Variants in ZSWIM6 observed in about 807,000 individuals in gnomAD.
ZSWIM6 encodes zinc finger SWIM domain-containing protein 6.
A neutral mutation model predicts 113.2 loss-of-function variants in ZSWIM6; 9 were observed. That is an observed-to-expected ratio of 0.08 (90% CI 0.05 to 0.14). The LOEUF (loss-of-function observed/expected upper bound fraction) is 0.14, where lower values mean the gene tolerates loss of function less well. Ranked by LOEUF, ZSWIM6 falls within the 10% of genes least tolerant of loss-of-function variation. ZSWIM6 has a pLI of 1.00. For synonymous variants in ZSWIM6, 611 were observed against 606.5 expected, an observed-to-expected ratio of 1.01 and a Z score of -0.11; for missense variants, 1,162 against 1,552.2, an observed-to-expected ratio of 0.75 and a Z score of 4.22.
intron 1 of ZSWIM6, 60 bp downstream of exon 1, chr5:61,333,008 G>C (rs1448314508): frequency 2.8e-5 from 14 of 498,922 alleles, no homozygotes; most frequent in Non-Finnish European, 3.6e-5. Flanking sequence ...GTGGGGGGGG[G>C]GTGCCCGCCT....
chr5:61,502,792 G>A (rs1192224072), intron 4 of ZSWIM6, among the ~76,000 whole-genome samples: 1 of 152,178 alleles, frequency 6.6e-6, no homozygotes, highest in Non-Finnish European at 1.5e-5. Flanking sequence ...AAACCCTGTT[G>A]TGAGCTGCAC....
At position 61,531,604 on chromosome 5, in the gene ZSWIM6, G is replaced by A; in HGVS notation, c.2124G>A (p.Gly708=). Reference sequence around the variant, plus strand: ...GACAGCAGCGTATCATGCCTGATGGGCTGTACACACAAGAGAAAGTTTGCC... The same window carrying A: ...GACAGCAGCGTATCATGCCTGATGGACTGTACACACAAGAGAAAGTTTGCC... ...GLGQQRIMPD[G]LYTQEKVCRN... is the part of the protein sequence containing the mutation. Residue 708 remains glycine, a synonymous_variant, in exon 9 of 14, where the codon GGG becomes GGA. Transcript: ENST00000252744. 1 of 1,551,660 alleles carries A rather than the reference G, an allele frequency of 6.4e-7. No individual in the cohort carries two copies. The highest frequency in any genetic ancestry group is 8.7e-7 in the Non-Finnish European group (1 of 1,146,970).
chr5:61,522,664 C>A (rs1001591032), intron 5 of ZSWIM6, among the ~76,000 whole-genome samples: 3 of 152,132 alleles, frequency 2.0e-5, no homozygotes, highest in Non-Finnish European at 4.4e-5. Flanking sequence ...ATCTTTATTG[C>A]CCATGATGAT....
rs1749261017 is a variant in ZSWIM6 at position 61,525,844 on chromosome 5, G to A, written c.1558G>A (p.Glu520Lys). The A allele has an allele frequency of 6.4e-7, 1 of 1,551,864 alleles. No individual in the cohort carries two copies. Among genetic ancestry groups the A allele is most frequent in the Non-Finnish European group, 8.7e-7 (1 of 1,147,008 alleles). ...PHRTVFTRAIEACDLHWQDSH... is the reference protein window; with the variant it reads ...PHRTVFTRAIKACDLHWQDSH... ...TCGGACAGTGTTCACCCGAGCCATC[G>A]AGGCATGCGATCTCCACTGGCAGGA... The change falls in exon 6 of 14, where the codon GAG becomes AAG. Residue 520 changes from glutamate (E) to lysine (K), a missense_variant. By Grantham distance (56) the Glu-to-Lys change is moderately conservative. This residue lies in a region of ZSWIM6 where 620 missense variants were observed against 804.6 expected (regional missense o/e 0.77). Transcript: ENST00000252744.
At chr5:61,442,496 C>G (rs1030228630) in intron 1 of ZSWIM6, among the ~76,000 whole-genome samples, 1 of 152,198 alleles carries the variant, frequency 6.6e-6, no homozygotes, top group Non-Finnish European at 1.5e-5. Context: ...CAATCTTTCT[C>G]TCTCTAGTCC....
chr5:61,415,826 A>G (rs566209709), intron 1 of ZSWIM6, among the ~76,000 whole-genome samples: 1 of 152,220 alleles, frequency 6.6e-6, no homozygotes, highest in Non-Finnish European at 1.5e-5. Context: ...AGAAGGAATA[A>G]TTGGATCTTT....
rs577231528 is a variant in ZSWIM6 at position 61,472,321 on chromosome 5, A to T, written c.677-360A>T. ...GAAAAAAGAAGAAACCACTGATCCCACTGATCTAGGGGATTATTGTGTTGT... is the reference window on the plus strand; with the variant it reads ...GAAAAAAGAAGAAACCACTGATCCCTCTGATCTAGGGGATTATTGTGTTGT... On this transcript the variant is annotated intron_variant, in intron 1 of 13. Coordinates refer to ENST00000252744, the MANE Select transcript of ZSWIM6 (RefSeq NM_020928.2). This position sits in a 1 kb window ranked among gnomAD's most constrained non-coding sequence, Gnocchi z 4.1. 6.6e-6 allele frequency among the ~76,000 whole-genome samples: 1 copy of T among 152,108 alleles called. No homozygotes were observed. Among genetic ancestry groups the T allele is most frequent in the Non-Finnish European group, 1.5e-5 (1 of 68,004 alleles).
chr5:61,381,975 C>T (rs953965630), intron 1 of ZSWIM6, among the ~76,000 whole-genome samples: 1 of 152,190 alleles, frequency 6.6e-6, no homozygotes, highest in Non-Finnish European at 1.5e-5. Flanking sequence ...AAAGGTCCAC[C>T]TGCTAAACTT....
intron 1 of ZSWIM6, among the ~76,000 whole-genome samples, chr5:61,372,931 TG>T (rs1371009700): frequency 2.6e-5 from 4 of 152,156 alleles, no homozygotes; most frequent in African/African-American, 9.7e-5. Context: ...GTGTTTAATT[TG>T]TAGGAACATT....
At chr5:61,444,878 C>G (rs890582767) in intron 1 of ZSWIM6, among the ~76,000 whole-genome samples, 1 of 152,110 alleles carries the variant, frequency 6.6e-6, no homozygotes, top group Non-Finnish European at 1.5e-5. Context: ...GGTTTGAAGA[C>G]GAGGCTTTGA....
chr5:61,397,419 T>G (rs1484282429), intron 1 of ZSWIM6, among the ~76,000 whole-genome samples: 1 of 152,222 alleles, frequency 6.6e-6, no homozygotes, highest in Non-Finnish European at 1.5e-5. Context: ...CTATAAATCC[T>G]CATTTCAGGA....
At chr5:61,431,387 A>C (rs1746577090) in intron 1 of ZSWIM6, among the ~76,000 whole-genome samples, 1 of 149,976 alleles carries the variant, frequency 6.7e-6, no homozygotes, top group Non-Finnish European at 1.5e-5. Flanking sequence ...AAAAAAAAAA[A>C]AAAAAAAAAA....
chr5:61,428,539 A>AT (rs11429841), intron 1 of ZSWIM6, among the ~76,000 whole-genome samples: 84,518 of 147,348 alleles, frequency 0.57, 25,860 homozygotes, highest in African/African-American at 0.82. Flanking sequence ...ACTTAAAACA[A>AT]TTTTTTTTTT....
At chr5:61,376,353 T>G (rs1237095572) in intron 1 of ZSWIM6, among the ~76,000 whole-genome samples, 2 of 149,596 alleles carry the variant, frequency 1.3e-5, no homozygotes, top group African/African-American at 4.9e-5. Flanking sequence ...GGTTGGGGGG[T>G]GGTTTGCTAT....
chr5:61,532,724 A>G (rs1222015231), intron 9 of ZSWIM6, among the ~76,000 whole-genome samples: 2 of 152,202 alleles, frequency 1.3e-5, no homozygotes, highest in Non-Finnish European at 2.9e-5. Context: ...TAGCATGCTT[A>G]ATTTTGGTAA....
intron 1 of ZSWIM6, among the ~76,000 whole-genome samples, chr5:61,448,581 A>G (rs1238821078): frequency 6.6e-6 from 1 of 152,168 alleles, no homozygotes; most frequent in Non-Finnish European, 1.5e-5. Flanking sequence ...ATATAAATAT[A>G]TACATGTTCT....
intron 4 of ZSWIM6, among the ~76,000 whole-genome samples, chr5:61,515,788 T>G (rs978853026): frequency 6.6e-6 from 1 of 152,176 alleles, no homozygotes; most frequent in African/African-American, 2.4e-5. Context: ...TGGATTTGTC[T>G]GTTTCTCCTT....
At chr5:61,456,881 A>C (rs531187988) in intron 1 of ZSWIM6, among the ~76,000 whole-genome samples, 1 of 147,178 alleles carries the variant, frequency 6.8e-6, no homozygotes, top group East Asian at 2.0e-4. Context: ...ATTAAACCTT[A>C]TCCAATTTCT....
At chr5:61,452,502 C>T (rs965365918) in intron 1 of ZSWIM6, among the ~76,000 whole-genome samples, 2 of 152,084 alleles carry the variant, frequency 1.3e-5, no homozygotes, top group South Asian at 2.1e-4. Flanking sequence ...CTTTAAGTGA[C>T]CCTGCAGATG....
Sources: gnomAD v4.1 joint callset for allele counts (sites outside exome capture counted in the v4.1 genomes callset) on GRCh38, gnomAD v4.1.1 for gene constraint, gnomAD v4.1.1 regional missense constraint, Gnocchi (gnomAD v3.1) non-coding constraint, MANE v1.5 for transcripts, NCBI Gene and HGNC (gene_info 2026-07-23, HGNC 2026-07-21) for gene names.